The following HHLA2 variants were observed in gnomAD, a reference collection of about 807,000 sequenced individuals.
The protein encoded by HHLA2 is HERV-H LTR-associating protein 2.
HHLA2 carries 48 observed loss-of-function variants against 45.9 expected under a neutral mutation model. That is an observed-to-expected ratio of 1.05 (90% confidence interval 0.83 to 1.33). The LOEUF (loss-of-function observed/expected upper bound fraction) is 1.33. HHLA2 is among the 40% of genes most tolerant of loss of function. The pLI, the probability that HHLA2 is intolerant of heterozygous loss-of-function variation, is 0.00. For synonymous variants in HHLA2, 161 were observed against 173.9 expected (o/e 0.93, Z 0.59); for missense variants, 462 against 494.3 (o/e 0.93, Z 0.62).
chr3:108,344,566 G>A (rs1203901560), intron 3 of HHLA2, among the ~76,000 whole-genome samples: 2 of 152,220 alleles, frequency 1.3e-5, no homozygotes, highest in East Asian at 3.8e-4. Flanking sequence ...GAAGTGTACA[G>A]AAAGAGTGCA....
chr3:108,348,033 T>A (rs2107443037), intron 3 of HHLA2, among the ~76,000 whole-genome samples: 1 of 152,220 alleles, frequency 6.6e-6, no homozygotes, highest in Admixed American at 6.5e-5. Flanking sequence ...AGAAGAATAG[T>A]TAAACATATG....
Position 108,366,342 on chromosome 3 carries a change from G to C in HHLA2, c.1108+3896G>C, listed in dbSNP as rs13061953. ...CAAGGATGAAGCCAACTTTATCATGGTGCATAAGCTTTTTGATGGGCTGTG... is the reference window on the plus strand; with the variant it reads ...CAAGGATGAAGCCAACTTTATCATGCTGCATAAGCTTTTTGATGGGCTGTG... On this transcript the variant is annotated intron_variant, in intron 8 of 10. Transcript: ENST00000619531. Among the ~76,000 whole-genome samples the C allele has an allele frequency of 2.6e-5, 4 of 152,198 alleles. No homozygotes were observed. In the South Asian group the frequency reaches 8.3e-4, roughly 32 times the overall value.
intron 4 of HHLA2, 130 bp from the exon 4 acceptor site, chr3:108,353,297 G>T (rs571255744): frequency 1.0e-5 from 6 of 596,742 alleles, no homozygotes; most frequent in Non-Finnish European, 1.7e-5. Context: ...TCAGACAAGT[G>T]TTTTTGATTA....
At position 108,355,191 on chromosome 3, in the gene HHLA2, T is replaced by A; in HGVS notation, c.495T>A (p.Tyr165Ter). The change falls in exon 6 of 11, where the codon TAT becomes TAA. Residue 165 changes from tyrosine (Y) to a stop codon, truncating the protein, a stop_gained. Transcript: ENST00000619531. LOFTEE classifies it high-confidence loss of function. ...TAATATGCAGCGTGTTAAGTGTTTA[T>A]CCTCGTCCAATTATCACGTGGAAAA... 1 of 1,613,790 alleles carries A rather than the reference T, an allele frequency of 6.2e-7. No individual in the cohort carries two copies. Among genetic ancestry groups the A allele is most frequent in the South Asian group, 1.1e-5 (1 of 91,072 alleles).
At chr3:108,368,042 G>T (rs13073300) in intron 8 of HHLA2, among the ~76,000 whole-genome samples, 2 of 151,860 alleles carry the variant, frequency 1.3e-5, no homozygotes, top group Non-Finnish European at 2.9e-5. Flanking sequence ...GAAGAGAGTG[G>T]GGGCCAATAT....
At chr3:108,316,008 A>G (rs1333166773) in intron 2 of HHLA2, among the ~76,000 whole-genome samples, 1 of 152,076 alleles carries the variant, frequency 6.6e-6, no homozygotes, top group Non-Finnish European at 1.5e-5. Context: ...ATTGCATTAT[A>G]AGGCTTTTAT....
chr3:108,376,726 T>C (rs982454203), intron 10 of HHLA2, 169 bp downstream of exon 9: 1 of 532,578 alleles, frequency 1.9e-6, no homozygotes, highest in African/African-American at 1.9e-5. Flanking sequence ...ATTAGGCTTT[T>C]CCCAATGTCT....
At chr3:108,353,463 T>A (rs759459866) in exon 5 of HHLA2, 16 of 1,596,066 alleles carry the variant, frequency 1.0e-5, no homozygotes, top group African/African-American at 1.3e-5. Context: ...TATGTTCCTA[T>A]GAATGAACAA....
At chr3:108,299,529 A>G (rs1271264215) in intron 1 of HHLA2, among the ~76,000 whole-genome samples, 65 of 152,056 alleles carry the variant, frequency 4.3e-4, no homozygotes, top group Admixed American at 4.3e-3. Flanking sequence ...GTATGTTCTG[A>G]GTTGCAAATT....
chr3:108,313,996 C>T (rs149654567), intron 2 of HHLA2, among the ~76,000 whole-genome samples: 106 of 152,218 alleles, frequency 7.0e-4, no homozygotes, highest in African/African-American at 2.5e-3. Flanking sequence ...TCTTTGGGGA[C>T]TATGATCAAT....
At chr3:108,325,327 T>C (rs1328249316) in intron 2 of HHLA2, among the ~76,000 whole-genome samples, 1 of 152,192 alleles carries the variant, frequency 6.6e-6, no homozygotes, top group Admixed American at 6.5e-5. Context: ...TAGTCACAAA[T>C]ATAGTTCTTC....
Position 108,302,259 on chromosome 3 carries a change from C to T in HHLA2, c.-192+5660C>T, listed in dbSNP as rs545375575. ...TGTTGTAGTAGGAGGGTTAGTCTTT[C>T]GATAACAGGTCTGAAATAGCATGAT... On this transcript the variant is annotated intron_variant, in intron 1 of 10. Transcript: ENST00000619531. 7.2e-5 allele frequency among the ~76,000 whole-genome samples: 11 copies of T among 152,144 alleles called. 1 individual carries two copies. Among genetic ancestry groups the T allele is most frequent in the African/African-American group, 2.6e-4 (11 of 41,518 alleles).
intron 2 of HHLA2, among the ~76,000 whole-genome samples, chr3:108,312,765 T>A (rs138807052): frequency 6.6e-6 from 1 of 152,338 alleles, no homozygotes; most frequent in Non-Finnish European, 1.5e-5. Flanking sequence ...AATTTTCTCC[T>A]GAAAGCTCAC....
In HHLA2 at chr3:108,353,481, T is replaced by C. The variant is rs781060461; in HGVS notation, c.119T>C (p.Ile40Thr). Residue 40 changes from isoleucine to threonine, a missense_variant, in exon 5 of 11, where the codon ATT becomes ACT. Around this residue, in one of 3 missense-constraint regions of HHLA2, gnomAD observed 335 missense variants for 367.4 expected, o/e 0.91. Transcript: ENST00000619531. ...GTTCCTATGAATGAACAAATCGTCA[T>C]TGGAAGACTTGATGAAGATATAATT... 1.7e-5 allele frequency: 27 copies of C among 1,604,874 alleles called. No homozygotes were observed. The highest frequency in any genetic ancestry group is 3.4e-5 in the Admixed American group (2 of 58,462).
intron 3 of HHLA2, among the ~76,000 whole-genome samples, chr3:108,341,458 A>G (rs1182328930): frequency 6.6e-6 from 1 of 152,174 alleles, no homozygotes; most frequent in African/African-American, 2.4e-5. Flanking sequence ...CGTTTGTTTT[A>G]GCTTCAAGAT....
At chr3:108,377,072 A>C in intron 10 of HHLA2, 186 bp from the exon 10 acceptor site, 1 of 560,320 alleles carries the variant, frequency 1.8e-6, no homozygotes, top group Non-Finnish European at 3.2e-6. Context: ...AGGGAGATTA[A>C]AATTAACTGA....
chr3:108,353,330 T>C, intron 4 of HHLA2, 97 bp from the exon 4 acceptor site: 1 of 717,520 alleles, frequency 1.4e-6, no homozygotes, highest in Non-Finnish European at 2.2e-6. Context: ...ATAATCAGGC[T>C]GCTAACCTAG....
chr3:108,370,638 C>T (rs982962779), intron 8 of HHLA2, among the ~76,000 whole-genome samples: 4 of 151,858 alleles, frequency 2.6e-5, no homozygotes, highest in Admixed American at 2.0e-4. Flanking sequence ...TTAAAGGACC[C>T]GATGGAGCTG....
At chr3:108,319,370 C>T (rs1245366911) in intron 2 of HHLA2, among the ~76,000 whole-genome samples, 4 of 152,166 alleles carry the variant, frequency 2.6e-5, no homozygotes, top group East Asian at 1.9e-4. Context: ...CTTCCTTCCT[C>T]GACTCTTTTC....
Sources: allele counts gnomAD v4.1 joint callset (sites outside exome capture counted in the v4.1 genomes callset), GRCh38; gene constraint gnomAD v4.1.1; regional missense constraint gnomAD v4.1.1; transcripts MANE v1.5; gene names NCBI Gene and HGNC (gene_info 2026-07-23, HGNC 2026-07-21).